The following TMEM156 variants were observed in gnomAD, a reference collection of about 807,000 sequenced individuals.
The protein encoded by TMEM156 is transmembrane protein 156.
TMEM156 carries 28 observed loss-of-function variants against 30.5 expected under a neutral mutation model. That is an observed-to-expected ratio of 0.92 (90% CI 0.68 to 1.26). The LOEUF (loss-of-function observed/expected upper bound fraction) is 1.26, where lower values mean the gene tolerates loss of function less well. Ranked by LOEUF, TMEM156 falls within the 50% of genes most tolerant of loss-of-function variation. The pLI, the probability that TMEM156 is intolerant of heterozygous loss-of-function variation, is 0.00. For missense variants in TMEM156, 351 were observed against 340.6 expected (o/e 1.03, Z -0.24); for synonymous variants, 137 against 119.9 (o/e 1.14, Z -0.93).
intron 5 of TMEM156, among the ~76,000 whole-genome samples, chr4:38,981,649 G>T (rs976699567): frequency 1.3e-5 from 2 of 152,128 alleles, no homozygotes; most frequent in African/African-American, 4.8e-5. Context: ...AACCAGCTAT[G>T]AACCAGTTAC....
chr4:39,018,125 C>G (rs1413786681), intron 1 of TMEM156, among the ~76,000 whole-genome samples: 1 of 151,680 alleles, frequency 6.6e-6, no homozygotes, highest in Non-Finnish European at 1.5e-5. Flanking sequence ...TTATTTTTCC[C>G]TTTAGTTATG....
intron 1 of TMEM156, among the ~76,000 whole-genome samples, chr4:39,017,268 A>G (rs1219049676): frequency 1.5e-5 from 2 of 134,246 alleles, no homozygotes; most frequent in African/African-American, 2.9e-5. Flanking sequence ...TCCGCCTCCC[A>G]GGTTCACACC....
In TMEM156 at chr4:38,993,853, T is replaced by G; in HGVS notation, c.504A>C (p.Ser168=). Residue 168 remains serine, a synonymous_variant, in exon 3 of 7, where the codon TCA becomes TCC. Transcript: ENST00000381938. ...TGCTTGGCTCATCCTCCATGATTGT[T>G]GATCTTCCAGTGTGGTTTTTTAGAT... is the stretch of plus-strand genomic sequence containing the variant. ...TCHLKNHTGR[S]TIMEDEPSKE... is the part of the protein sequence containing the mutation. 1 of 1,614,110 alleles carries G rather than the reference T, an allele frequency of 6.2e-7. No individual in the cohort carries two copies. Among genetic ancestry groups the G allele is most frequent in the East Asian group, 2.2e-5 (1 of 44,856 alleles).
intron 5 of TMEM156, among the ~76,000 whole-genome samples, chr4:38,974,654 AT>A (rs964502128): frequency 6.8e-5 from 10 of 147,368 alleles, no homozygotes; most frequent in Admixed American, 2.8e-4. Context: ...TTAACTGAAG[AT>A]TTTTTTTAAT....
At chr4:38,976,959 G>A (rs369121411) in intron 5 of TMEM156, among the ~76,000 whole-genome samples, 1 of 152,186 alleles carries the variant, frequency 6.6e-6, no homozygotes. Context: ...AGGCTGGAGT[G>A]CAGTGGCACA....
intron 5 of TMEM156, among the ~76,000 whole-genome samples, chr4:38,978,084 A>G (rs1433864614): frequency 6.6e-6 from 1 of 152,152 alleles, no homozygotes; most frequent in African/African-American, 2.4e-5. Context: ...GATGATTTTC[A>G]TGTCAAAGAC....
chr4:39,022,456 A>C (rs1037888721), intron 1 of TMEM156, among the ~76,000 whole-genome samples: 4 of 152,210 alleles, frequency 2.6e-5, no homozygotes, highest in Admixed American at 2.0e-4. Flanking sequence ...CCTGAGGCAC[A>C]AATTTGTTCA....
chr4:38,968,954 GTACT>G (rs1722470117), intron 6 of TMEM156, among the ~76,000 whole-genome samples: 1 of 152,166 alleles, frequency 6.6e-6, no homozygotes, highest in African/African-American at 2.4e-5. Flanking sequence ...CAATGGGGGA[GTACT>G]AGCACATTAG....
At chr4:39,023,072 G>A (rs915436648) in intron 1 of TMEM156, among the ~76,000 whole-genome samples, 3 of 152,196 alleles carry the variant, frequency 2.0e-5, no homozygotes, top group Non-Finnish European at 4.4e-5. Flanking sequence ...TAGGTCATGA[G>A]AGTGGAGAGC....
intron 5 of TMEM156, among the ~76,000 whole-genome samples, chr4:38,972,182 T>A (rs1186030652): frequency 6.6e-6 from 1 of 151,888 alleles, no homozygotes; most frequent in Non-Finnish European, 1.5e-5. Flanking sequence ...AAAATTATGC[T>A]TCTTGTCCAT....
chr4:39,007,057 T>A (rs1713789215), intron 1 of TMEM156, among the ~76,000 whole-genome samples: 1 of 152,178 alleles, frequency 6.6e-6, no homozygotes, highest in East Asian at 1.9e-4. Flanking sequence ...TATTGAGTAG[T>A]CTATCTTTCC....
rs556087510 is a variant in TMEM156 at position 38,969,813 on chromosome 4, G to A, written c.*38+1219C>T. Among the ~76,000 whole-genome samples, 363 of 152,150 alleles carry A rather than the reference G, an allele frequency of 2.4e-3. 3 individuals are homozygous for A. The highest frequency in any genetic ancestry group is 0.018 in the South Asian group (87 of 4,820). On this transcript the variant is annotated intron_variant, in intron 6 of 6. Coordinates refer to ENST00000381938, the MANE Select transcript of TMEM156 (RefSeq NM_024943.3). The stretch of plus-strand genomic sequence containing the variant: ...TCACCATGTTGCTCAGGCTGGTCTC[G>A]AACCCCTGAGCTCCAGCAACCTGCC...
At chr4:38,972,728 A>G (rs1405647350) in intron 5 of TMEM156, among the ~76,000 whole-genome samples, 2 of 151,946 alleles carry the variant, frequency 1.3e-5, no homozygotes, top group African/African-American at 2.4e-5. Context: ...AGCCGTTTGT[A>G]TTTCCTTTTC....
At chr4:39,023,000 G>A (rs951831025) in intron 1 of TMEM156, among the ~76,000 whole-genome samples, 6 of 152,188 alleles carry the variant, frequency 3.9e-5, no homozygotes, top group East Asian at 1.9e-4. Context: ...TGGACTAACC[G>A]TTTGTGTACC....
chr4:38,996,028 C>G (rs538974318), intron 2 of TMEM156, among the ~76,000 whole-genome samples: 1 of 152,188 alleles, frequency 6.6e-6, no homozygotes, highest in South Asian at 2.1e-4. Context: ...AACTGTTTAT[C>G]TGATAAAAGG....
rs559357154 is a variant in TMEM156 at position 38,980,272 on chromosome 4, T to C, written c.823+6064A>G. Among the ~76,000 whole-genome samples the C allele has an allele frequency of 7.4e-4, 112 of 152,198 alleles. 1 individual carries two copies. Among genetic ancestry groups the C allele is most frequent in the African/African-American group, 2.6e-3 (109 of 41,518 alleles). The stretch of plus-strand genomic sequence containing the variant: ...GTTTCTGGTTAATTCACACTGCAGG[T>C]ATCTTTAATACTCCAAAGGATAAAA... On this transcript the variant is annotated intron_variant, in intron 5 of 6. Transcript: ENST00000381938.
intron 1 of TMEM156, 26 bp from the exon 2 acceptor site, chr4:38,998,935 T>C (rs200215036): frequency 2.5e-6 from 4 of 1,581,148 alleles, no homozygotes; most frequent in South Asian, 2.4e-5. Flanking sequence ...AAAAACACTT[T>C]CTTTACTGTA....
intron 5 of TMEM156, among the ~76,000 whole-genome samples, chr4:38,976,796 G>A (rs575292606): frequency 6.6e-6 from 1 of 152,364 alleles, no homozygotes; most frequent in South Asian, 2.1e-4. Context: ...AGACATCCAA[G>A]TTGATTCTGA....
intron 4 of TMEM156, among the ~76,000 whole-genome samples, chr4:38,987,233 C>T (rs1361780195): frequency 6.6e-6 from 1 of 152,164 alleles, no homozygotes; most frequent in South Asian, 2.1e-4. Flanking sequence ...ACTAAATACC[C>T]TACATCTTAG....
Sources: allele counts gnomAD v4.1 joint callset (sites outside exome capture counted in the v4.1 genomes callset), GRCh38; gene constraint gnomAD v4.1.1; transcripts MANE v1.5; gene names NCBI Gene and HGNC (gene_info 2026-07-23, HGNC 2026-07-21).